The following MACROD2 variants were observed in gnomAD, a reference collection of about 807,000 sequenced individuals.
MACROD2 encodes ADP-ribose glycohydrolase MACROD2.
MACROD2 carries 36 observed loss-of-function variants against 70.4 expected under a neutral mutation model. That is an observed-to-expected ratio of 0.51 (90% CI 0.39 to 0.68). The LOEUF is 0.68. Ranked by LOEUF, MACROD2 falls within the 30% of genes least tolerant of loss-of-function variation. The probability of loss-of-function intolerance (pLI) is 0.00; values close to 1 mark genes in which losing one functional copy is unlikely to be tolerated. For synonymous variants in MACROD2, 172 were observed against 178.8 expected (o/e 0.96, Z 0.30); for missense variants, 496 against 538.4 (o/e 0.92, Z 0.78).
chr20:14,826,047 TA>T (rs1450765596), intron 5 of MACROD2, among the ~76,000 whole-genome samples: 4 of 152,124 alleles, frequency 2.6e-5, no homozygotes, highest in African/African-American at 9.7e-5. Flanking sequence ...GATGTGGAAC[TA>T]AAGTACAGCA....
chr20:14,517,412 T>C (rs1253451607), intron 4 of MACROD2, among the ~76,000 whole-genome samples: 1 of 152,086 alleles, frequency 6.6e-6, no homozygotes, highest in Non-Finnish European at 1.5e-5. Flanking sequence ...CTGGAAACCA[T>C]CATTCTCAGC....
intron 8 of MACROD2, among the ~76,000 whole-genome samples, chr20:15,813,445 C>T (rs1244630554): frequency 1.3e-5 from 2 of 152,050 alleles, no homozygotes; most frequent in South Asian, 2.1e-4. Context: ...TGTTAGATGC[C>T]AGCTGAATAG....
chr20:15,217,796 A>G (rs1241318881), intron 5 of MACROD2, among the ~76,000 whole-genome samples: 1 of 152,122 alleles, frequency 6.6e-6, no homozygotes, highest in African/African-American at 2.4e-5. Context: ...TAAACCTGAT[A>G]CTCATCAAAG....
intron 12 of MACROD2, among the ~76,000 whole-genome samples, chr20:15,962,201 G>A (rs748066244): frequency 1.3e-5 from 2 of 152,184 alleles, no homozygotes; most frequent in Non-Finnish European, 2.9e-5. Flanking sequence ...AAATCTCAGT[G>A]AGAACGGTCC....
chr20:14,613,190 A>G (rs1341445684), intron 4 of MACROD2, among the ~76,000 whole-genome samples: 1 of 152,166 alleles, frequency 6.6e-6, no homozygotes, highest in East Asian at 1.9e-4. Context: ...CACTTCTGAC[A>G]ACATGAGTTC....
At chr20:15,349,290 T>G (rs888695009) in intron 6 of MACROD2, among the ~76,000 whole-genome samples, 1 of 152,236 alleles carries the variant, frequency 6.6e-6, no homozygotes, top group African/African-American at 2.4e-5. Flanking sequence ...ATTCATCTGC[T>G]GGAGTTTTTT....
chr20:15,125,287 G>T (rs1200546904), intron 5 of MACROD2, among the ~76,000 whole-genome samples: 1 of 151,946 alleles, frequency 6.6e-6, no homozygotes, highest in Admixed American at 6.6e-5. Flanking sequence ...TCCTAAATAT[G>T]GCCTTAAACT....
chr20:15,621,366 G>A (rs1422992611), intron 8 of MACROD2, among the ~76,000 whole-genome samples: 1 of 152,144 alleles, frequency 6.6e-6, no homozygotes, highest in Admixed American at 6.5e-5. Context: ...AGCTTGACTG[G>A]TCTCAAGGCT....
intron 10 of MACROD2, among the ~76,000 whole-genome samples, chr20:15,911,033 A>G (rs2065228982): frequency 6.6e-6 from 1 of 152,156 alleles, no homozygotes; most frequent in Non-Finnish European, 1.5e-5. Flanking sequence ...TATAAGTGGC[A>G]TACTTCTTTC....
chr20:14,154,060 C>G (rs2148712894), intron 3 of MACROD2, among the ~76,000 whole-genome samples: 1 of 152,334 alleles, frequency 6.6e-6, no homozygotes, highest in South Asian at 2.1e-4. Context: ...TTTCCCAAGA[C>G]TTTGAACTGA....
At chr20:15,157,359 A>ACC (rs1568606906) in intron 5 of MACROD2, among the ~76,000 whole-genome samples, 78 of 115,240 alleles carry the variant, frequency 6.8e-4, no homozygotes, top group South Asian at 1.3e-3. Flanking sequence ...ACCCCCCCCC[A>ACC]CCTCCCCCCC....
intron 5 of MACROD2, among the ~76,000 whole-genome samples, chr20:14,750,221 T>TGTG: frequency 6.6e-6 from 1 of 152,132 alleles, no homozygotes; most frequent in Non-Finnish European, 1.5e-5. Flanking sequence ...TATGTGTATT[T>TGTG]TATCATATAA....
At chr20:14,697,814 A>C (rs2071144890) in intron 5 of MACROD2, among the ~76,000 whole-genome samples, 1 of 152,210 alleles carries the variant, frequency 6.6e-6, no homozygotes, top group African/African-American at 2.4e-5. Context: ...TCACAATGAC[A>C]GCAGTTTAAA....
At chr20:14,539,269 T>C (rs972095852) in intron 4 of MACROD2, among the ~76,000 whole-genome samples, 4 of 152,216 alleles carry the variant, frequency 2.6e-5, no homozygotes, top group African/African-American at 7.2e-5. Context: ...AGCAGTTGTT[T>C]CCTGAAGCAG....
At chr20:14,166,192 A>C (rs186927716) in intron 3 of MACROD2, among the ~76,000 whole-genome samples, 2 of 152,162 alleles carry the variant, frequency 1.3e-5, no homozygotes, top group East Asian at 3.8e-4. Flanking sequence ...ATATTTTGTG[A>C]TGGTCATAGG....
rs1223824587 is a variant in MACROD2 at position 14,230,692 on chromosome 20, T to C, written c.271+144964T>C. 3.2e-5 allele frequency among the ~76,000 whole-genome samples: 4 copies of C among 125,884 alleles called. No individual in the cohort carries two copies. In the East Asian group the frequency reaches 1.1e-3, roughly 33 times the overall value. 82.6% of individuals were successfully genotyped at this position (125,884 alleles called of 152,430 possible). A position where few individuals can be genotyped will look rare whatever the true frequency, so the allele number is the denominator to read the frequency against. ...GCCTATATATATATATATATATATATATATATATGGGCCCAGCCTATGTTA... is the reference window on the plus strand; with the variant it reads ...GCCTATATATATATATATATATATACATATATATGGGCCCAGCCTATGTTA... On this transcript the variant is annotated intron_variant, in intron 3 of 17. Transcript: ENST00000684519.
intron 9 of MACROD2, among the ~76,000 whole-genome samples, chr20:15,883,282 T>G (rs1454421135): frequency 3.9e-5 from 6 of 152,086 alleles, no homozygotes; most frequent in Non-Finnish European, 1.5e-5. Flanking sequence ...CATACAGATT[T>G]TAGATGGCTC....
chr20:14,485,518 G>A (rs943327215), intron 3 of MACROD2, among the ~76,000 whole-genome samples: 44 of 152,052 alleles, frequency 2.9e-4, no homozygotes, highest in East Asian at 1.5e-3. Flanking sequence ...TGGCTAACAC[G>A]GTGAAACCCC....
At chr20:14,671,787 C>T (rs2070798198) in intron 4 of MACROD2, among the ~76,000 whole-genome samples, 2 of 152,192 alleles carry the variant, frequency 1.3e-5, no homozygotes, top group South Asian at 2.1e-4. Flanking sequence ...AAATTCCTCA[C>T]ATCTGTGAAG....
Sources: gnomAD v4.1 joint callset for allele counts (sites outside exome capture counted in the v4.1 genomes callset) on GRCh38, gnomAD v4.1.1 for gene constraint, MANE v1.5 for transcripts, NCBI Gene and HGNC (gene_info 2026-07-23, HGNC 2026-07-21) for gene names.